The following KCNIP4 variants were observed in gnomAD, a reference collection of about 807,000 sequenced individuals.
KCNIP4 encodes Kv channel-interacting protein 4.
A neutral mutation model predicts 34.0 loss-of-function variants in KCNIP4; 12 were observed. The observed-to-expected ratio is 0.35, with a 90% CI of 0.23 to 0.57. KCNIP4 has a LOEUF of 0.57. KCNIP4 is among the 20% of genes least tolerant of loss of function. The probability of loss-of-function intolerance (pLI) is 0.83; values close to 1 mark genes in which losing one functional copy is unlikely to be tolerated. For synonymous variants in KCNIP4, 124 were observed against 102.2 expected (o/e 1.21, Z -1.29); for missense variants, 238 against 311.7 (o/e 0.76, Z 1.78).
At chr4:21,236,141 C>G (rs1416796049) in intron 1 of KCNIP4, among the ~76,000 whole-genome samples, 2 of 152,040 alleles carry the variant, frequency 1.3e-5, no homozygotes, top group Admixed American at 6.6e-5. Context: ...CAAGAAGATA[C>G]AAAAATAAAA....
At chr4:20,814,613 C>A (rs989451932) in intron 3 of KCNIP4, among the ~76,000 whole-genome samples, 10 of 152,140 alleles carry the variant, frequency 6.6e-5, no homozygotes, top group African/African-American at 1.9e-4. Flanking sequence ...CCTCTGCAGC[C>A]CTTTTTCGTA....
At position 21,037,654 on chromosome 4, in the gene KCNIP4, G is replaced by A. The variant is rs181040860; in HGVS notation, c.62-154945C>T. On this transcript the variant is annotated intron_variant, in intron 1 of 8. Transcript: ENST00000382152. ...TTAAGTGAGACATAACTGTACTTGC[G>A]TTGGAAGTGGCTAGATCCAGTATCA... Among the ~76,000 whole-genome samples, 10 of 152,290 alleles carry A rather than the reference G, an allele frequency of 6.6e-5. No homozygotes were observed. The East Asian group carries it at 9.7e-4, about 15-fold the overall frequency.
intron 5 of KCNIP4, among the ~76,000 whole-genome samples, chr4:20,735,946 G>T (rs1398977029): frequency 6.6e-6 from 1 of 152,004 alleles, no homozygotes; most frequent in East Asian, 1.9e-4. Context: ...AAGTCTTCTG[G>T]GTGAATTTGC....
intron 1 of KCNIP4, among the ~76,000 whole-genome samples, chr4:21,359,432 T>C (rs1718994622): frequency 6.6e-6 from 1 of 152,080 alleles, no homozygotes; most frequent in Admixed American, 6.6e-5. Context: ...GTATGATATG[T>C]ATATATTATA....
intron 5 of KCNIP4, among the ~76,000 whole-genome samples, chr4:20,735,498 C>CTTGA (rs1449414183): frequency 2.7e-5 from 4 of 147,524 alleles, no homozygotes; most frequent in Admixed American, 2.7e-4. Flanking sequence ...GCCAGATTAA[C>CTTGA]TTGATTAAAT....
chr4:20,917,042 T>C (rs1432473049), intron 1 of KCNIP4, among the ~76,000 whole-genome samples: 1 of 100,452 alleles, frequency 1.0e-5, no homozygotes, highest in African/African-American at 3.8e-5. Flanking sequence ...TATATATATA[T>C]ATATATATAA....
At chr4:21,041,224 T>C (rs1388930903) in intron 1 of KCNIP4, among the ~76,000 whole-genome samples, 1 of 140,676 alleles carries the variant, frequency 7.1e-6, no homozygotes, top group Non-Finnish European at 1.5e-5. Flanking sequence ...GTGAATGATA[T>C]ATATTTCACA....
intron 1 of KCNIP4, among the ~76,000 whole-genome samples, chr4:21,188,675 T>G (rs190029046): frequency 6.6e-6 from 1 of 152,340 alleles, no homozygotes; most frequent in Non-Finnish European, 1.5e-5. Flanking sequence ...TTTTTCCATA[T>G]ATGTATCTGG....
chr4:21,707,882 A>G (rs1167956039), intron 1 of KCNIP4, among the ~76,000 whole-genome samples: 1 of 151,572 alleles, frequency 6.6e-6, no homozygotes, highest in Non-Finnish European at 1.5e-5. Flanking sequence ...ACGTGTCCTC[A>G]AGCCCAATAT....
chr4:21,545,128 T>C (rs1043314432), intron 1 of KCNIP4, among the ~76,000 whole-genome samples: 3 of 152,126 alleles, frequency 2.0e-5, no homozygotes, highest in Non-Finnish European at 4.4e-5. Context: ...CATTATACGC[T>C]AATTATAATG....
chr4:20,893,615 G>C (rs1726186669), intron 1 of KCNIP4, among the ~76,000 whole-genome samples: 1 of 150,708 alleles, frequency 6.6e-6, no homozygotes, highest in African/African-American at 2.4e-5. Context: ...GTAGAAATGG[G>C]GTCTTGCGAT....
intron 1 of KCNIP4, among the ~76,000 whole-genome samples, chr4:20,920,873 C>T (rs1729329579): frequency 6.6e-6 from 1 of 152,084 alleles, no homozygotes; most frequent in South Asian, 2.1e-4. Flanking sequence ...CCTGTAATCT[C>T]AGCTACTCGG....
At chr4:21,488,878 T>C (rs948977676) in intron 1 of KCNIP4, among the ~76,000 whole-genome samples, 3 of 152,088 alleles carry the variant, frequency 2.0e-5, no homozygotes, top group Non-Finnish European at 4.4e-5. Context: ...AAGGAAAAAT[T>C]TGATGGTATT....
At chr4:21,347,121 C>T (rs1268085492) in intron 1 of KCNIP4, among the ~76,000 whole-genome samples, 1 of 152,130 alleles carries the variant, frequency 6.6e-6, no homozygotes, top group Non-Finnish European at 1.5e-5. Flanking sequence ...AAAGAGAAAA[C>T]CACTTCAGAT....
intron 4 of KCNIP4, among the ~76,000 whole-genome samples, chr4:20,753,463 C>T (rs539344769): frequency 2.0e-5 from 3 of 152,216 alleles, no homozygotes; most frequent in South Asian, 2.1e-4. Flanking sequence ...ATATCGAGAA[C>T]ACAGTGAATA....
chr4:20,980,809 T>TAAAA (rs547579828), intron 1 of KCNIP4, among the ~76,000 whole-genome samples: 1 of 131,120 alleles, frequency 7.6e-6, no homozygotes, highest in Non-Finnish European at 1.7e-5. Flanking sequence ...TTCTCCACCA[T>TAAAA]AAAAAAAAAA....
At chr4:21,457,436 T>C (rs1183771409) in intron 1 of KCNIP4, among the ~76,000 whole-genome samples, 1 of 152,022 alleles carries the variant, frequency 6.6e-6, no homozygotes, top group East Asian at 1.9e-4. Flanking sequence ...CAGTGGGCAA[T>C]ATTTTCAGAG....
chr4:21,757,239 GAAAGAAA>G (rs1560691645), intron 1 of KCNIP4, among the ~76,000 whole-genome samples: 2 of 24,616 alleles, frequency 8.1e-5, no homozygotes, highest in African/African-American at 2.8e-4. Context: ...AAGAAAGAAA[GAAAGAAA>G]GAAAAGAAAA....
At chr4:21,679,963 G>T (rs1292076577) in intron 1 of KCNIP4, among the ~76,000 whole-genome samples, 2 of 152,152 alleles carry the variant, frequency 1.3e-5, no homozygotes, top group Admixed American at 1.3e-4. Context: ...TGACTGATCA[G>T]GACGGTGGCT....
Sources: gnomAD v4.1 joint callset for allele counts (sites outside exome capture counted in the v4.1 genomes callset) on GRCh38, gnomAD v4.1.1 for gene constraint, MANE v1.5 for transcripts, NCBI Gene and HGNC (gene_info 2026-07-23, HGNC 2026-07-21) for gene names.